The following CALN1 variants were observed in gnomAD, a reference collection of about 807,000 sequenced individuals.
The protein encoded by CALN1 is calneuron 1.
Under a neutral mutation model 30.6 loss-of-function variants are expected in CALN1, and 17 were observed. That is an observed-to-expected ratio of 0.56 (90% CI 0.38 to 0.83). The LOEUF (loss-of-function observed/expected upper bound fraction) is 0.83, where lower values mean the gene tolerates loss of function less well. Ranked by LOEUF, CALN1 falls within the 40% of genes least tolerant of loss-of-function variation. The pLI is 0.00. For synonymous variants in CALN1, 156 were observed against 131.4 expected (o/e 1.19, Z -1.28); for missense variants, 291 against 354.9 (o/e 0.82, Z 1.45).
Position 71,968,524 on chromosome 7 carries a change from G to A in CALN1, c.501+55133C>T, listed in dbSNP as rs974974867. Among the ~76,000 whole-genome samples, 58 of 151,920 alleles carry A rather than the reference G, an allele frequency of 3.8e-4. 1 individual carries two copies. The highest frequency in any genetic ancestry group is 1.4e-3 in the East Asian group (7 of 5,132). On this transcript the variant is annotated intron_variant, in intron 5 of 6. Coordinates refer to ENST00000395275, the MANE Select transcript of CALN1 (RefSeq NM_031468.4). ...TGGCTAACTGCACCCTCCGCCTGCC[G>A]GGTTCCAGCAATTCTCGTGCCTCAG...
At chr7:71,995,806 A>G (rs1188309412) in intron 5 of CALN1, among the ~76,000 whole-genome samples, 1 of 151,864 alleles carries the variant, frequency 6.6e-6, no homozygotes, top group East Asian at 2.0e-4. Context: ...TGAATCCACT[A>G]TACTGTTGCC....
chr7:71,949,708 C>G (rs888489231), intron 5 of CALN1, among the ~76,000 whole-genome samples: 3 of 151,948 alleles, frequency 2.0e-5, no homozygotes, highest in African/African-American at 7.2e-5. Flanking sequence ...CCAAAAAATT[C>G]TGTAACAGGG....
At chr7:71,874,141 G>C (rs998745750) in intron 5 of CALN1, among the ~76,000 whole-genome samples, 2 of 151,936 alleles carry the variant, frequency 1.3e-5, no homozygotes, top group Non-Finnish European at 2.9e-5. Flanking sequence ...TGGGCGTGGT[G>C]GTGGGCACCT....
chr7:71,830,238 T>C (rs1483478729), intron 5 of CALN1, among the ~76,000 whole-genome samples: 2 of 152,110 alleles, frequency 1.3e-5, no homozygotes, highest in African/African-American at 4.8e-5. Context: ...AGATGGGTTT[T>C]CTTCATGTTG....
At chr7:72,118,147 A>C (rs1808126375) in intron 3 of CALN1, among the ~76,000 whole-genome samples, 1 of 152,034 alleles carries the variant, frequency 6.6e-6, no homozygotes, top group Admixed American at 6.5e-5. Context: ...CATAGCCAAA[A>C]CCACATTTTT....
intron 3 of CALN1, among the ~76,000 whole-genome samples, chr7:72,207,796 T>C (rs1043486812): frequency 2.0e-5 from 3 of 152,200 alleles, no homozygotes; most frequent in Non-Finnish European, 2.9e-5. Context: ...TGGGCGACTT[T>C]TATTTTTCTC....
At chr7:72,166,162 G>A (rs1163711516) in intron 3 of CALN1, among the ~76,000 whole-genome samples, 1 of 152,120 alleles carries the variant, frequency 6.6e-6, no homozygotes, top group Non-Finnish European at 1.5e-5. Flanking sequence ...AGGTGTCTCA[G>A]GAGGTGAAGG....
chr7:71,991,394 G>C (rs901721524), intron 5 of CALN1, among the ~76,000 whole-genome samples: 21 of 151,914 alleles, frequency 1.4e-4, no homozygotes, highest in African/African-American at 3.6e-4. Context: ...AGGAGGCAGA[G>C]CTTTCGATGA....
chr7:72,247,516 A>T (rs1367094757), intron 3 of CALN1, among the ~76,000 whole-genome samples: 1 of 151,602 alleles, frequency 6.6e-6, no homozygotes, highest in Non-Finnish European at 1.5e-5. Context: ...CAGCCTCCCA[A>T]AGTGCTGGGA....
intron 5 of CALN1, among the ~76,000 whole-genome samples, chr7:71,815,554 G>C (rs1004705027): frequency 2.0e-5 from 3 of 152,174 alleles, no homozygotes; most frequent in Non-Finnish European, 4.4e-5. Flanking sequence ...CGGGATCTGA[G>C]TGAGAAATAA....
At chr7:72,200,529 T>C (rs1030386323) in intron 3 of CALN1, among the ~76,000 whole-genome samples, 2 of 152,118 alleles carry the variant, frequency 1.3e-5, no homozygotes, top group East Asian at 1.9e-4. Flanking sequence ...ATGAACAAAC[T>C]GAGACTTAGA....
chr7:71,832,255 G>A (rs1021844832), intron 5 of CALN1, among the ~76,000 whole-genome samples: 2 of 152,144 alleles, frequency 1.3e-5, no homozygotes, highest in Non-Finnish European at 1.5e-5. Context: ...GACTTGTCTC[G>A]TTCTGGACAG....
chr7:72,055,675 A>C (rs1803207443), intron 4 of CALN1, among the ~76,000 whole-genome samples: 1 of 152,212 alleles, frequency 6.6e-6, no homozygotes, highest in South Asian at 2.1e-4. Context: ...ATACATTTTA[A>C]AACTTTTGTG....
chr7:72,274,856 TTAATC>T (rs1797236718), intron 3 of CALN1, among the ~76,000 whole-genome samples: 1 of 152,124 alleles, frequency 6.6e-6, no homozygotes, highest in East Asian at 1.9e-4. Flanking sequence ...ATTCCCAACT[TTAATC>T]TGATCATTTT....
At chr7:72,245,425 C>T (rs1036056220) in intron 3 of CALN1, among the ~76,000 whole-genome samples, 1 of 151,848 alleles carries the variant, frequency 6.6e-6, no homozygotes, top group Non-Finnish European at 1.5e-5. Context: ...TCGAGACCAG[C>T]CTGACCAACA....
chr7:72,352,386 C>T (rs1195024466), intron 2 of CALN1, among the ~76,000 whole-genome samples: 5 of 31,922 alleles, frequency 1.6e-4, no homozygotes, highest in African/African-American at 6.8e-4. Context: ...GAGACTCTGT[C>T]TCAAAAAAAA....
At chr7:72,142,408 G>A (rs376283699) in intron 3 of CALN1, among the ~76,000 whole-genome samples, 29 of 152,270 alleles carry the variant, frequency 1.9e-4, no homozygotes, top group Admixed American at 5.9e-4. Flanking sequence ...ACTACAACGC[G>A]GCAGCGAGCT....
At chr7:71,963,117 G>A (rs1797331884) in intron 5 of CALN1, among the ~76,000 whole-genome samples, 2 of 151,892 alleles carry the variant, frequency 1.3e-5, no homozygotes, top group South Asian at 2.1e-4. Flanking sequence ...ACAAAATTAG[G>A]GTCACCTGTA....
intron 4 of CALN1, among the ~76,000 whole-genome samples, chr7:72,035,423 T>C (rs1260787234): frequency 1.3e-5 from 2 of 152,234 alleles, no homozygotes. Context: ...ATCCATGTTG[T>C]AGCATATGCC....
Sources: gnomAD v4.1 joint callset for allele counts (sites outside exome capture counted in the v4.1 genomes callset) on GRCh38, gnomAD v4.1.1 for gene constraint, MANE v1.5 for transcripts, NCBI Gene and HGNC (gene_info 2026-07-23, HGNC 2026-07-21) for gene names.